Variants in ITSN1 observed in about 807,000 individuals in gnomAD.
ITSN1 encodes intersectin 1.
ITSN1 carries 58 observed loss-of-function variants against 239.8 expected under a neutral mutation model. The ratio of observed to expected loss-of-function variants is 0.24; its 90% CI spans 0.20 to 0.30. The LOEUF (loss-of-function observed/expected upper bound fraction) is 0.30, where lower values mean the gene tolerates loss of function less well. ITSN1 is among the 10% of genes least tolerant of loss of function. The pLI is 1.00. For missense variants in ITSN1, 1,558 were observed against 2,103.3 expected (o/e 0.74, Z 5.07); for synonymous variants, 780 against 770.8 (o/e 1.01, Z -0.20).
intron 26 of ITSN1, chr21:33,828,851 T>C (rs2074123034): frequency 2.3e-6 from 1 of 436,900 alleles, no homozygotes; most frequent in Admixed American, 2.7e-5. Flanking sequence ...GCCTGGTCTG[T>C]GGTACCGCTG....
At position 33,867,282 on chromosome 21, in the gene ITSN1, T is replaced by C; in HGVS notation, c.4124T>C (p.Ile1375Thr). 6.2e-7 allele frequency: 1 copy of C among 1,611,312 alleles called. No homozygotes were observed. Among genetic ancestry groups the C allele is most frequent in the Non-Finnish European group, 8.5e-7 (1 of 1,177,480 alleles). The change falls in exon 33 of 40, where the codon ATA becomes ACA. Residue 1375 changes from isoleucine to threonine, a missense_variant. Ile to Thr is a moderately conservative substitution (Grantham distance 89). Transcript: ENST00000381318. ...RCKGMPLSSF[I>T]LKPMQRVTRY... The stretch of plus-strand genomic sequence containing the variant: ...AAAGGGATGCCACTCTCTAGTTTTA[T>C]ACTGAAGCCTATGCAACGGGTAACA...
chr21:33,644,912 C>T (rs1451564662), intron 1 of ITSN1, among the ~76,000 whole-genome samples: 1 of 151,742 alleles, frequency 6.6e-6, no homozygotes, highest in Admixed American at 6.6e-5. Context: ...GCCTCGACCT[C>T]CTGGGCTCCA....
At chr21:33,681,695 G>A (rs1601607864) in intron 1 of ITSN1, among the ~76,000 whole-genome samples, 1 of 149,678 alleles carries the variant, frequency 6.7e-6, no homozygotes, top group African/African-American at 2.5e-5. Context: ...TTTTGAGACG[G>A]AGTCTCGCTC....
At chr21:33,678,539 G>A (rs1204665683) in intron 1 of ITSN1, among the ~76,000 whole-genome samples, 2 of 152,088 alleles carry the variant, frequency 1.3e-5, no homozygotes, top group African/African-American at 4.8e-5. Context: ...CCCACCCCAC[G>A]GCCTGCATTC....
chr21:33,832,739 G>T (rs531190129), intron 27 of ITSN1, among the ~76,000 whole-genome samples: 29 of 152,352 alleles, frequency 1.9e-4, no homozygotes, highest in African/African-American at 6.5e-4. Flanking sequence ...GAGCCAAGGG[G>T]ATGGAATCTA....
At chr21:33,779,162 G>A (rs1340992694) in intron 14 of ITSN1, among the ~76,000 whole-genome samples, 8 of 149,486 alleles carry the variant, frequency 5.4e-5, no homozygotes, top group Admixed American at 1.3e-4. Context: ...TCTGTGGTAT[G>A]TCTGTTTTCT....
At chr21:33,853,039 G>A (rs1978622757) in intron 29 of ITSN1, among the ~76,000 whole-genome samples, 1 of 152,150 alleles carries the variant, frequency 6.6e-6, no homozygotes, top group Admixed American at 6.5e-5. Flanking sequence ...AATCTTTAAT[G>A]GTTCTCTTGG....
intron 1 of ITSN1, among the ~76,000 whole-genome samples, chr21:33,715,146 G>T (rs1179758897): frequency 1.3e-5 from 2 of 152,116 alleles, no homozygotes; most frequent in Non-Finnish European, 2.9e-5. Context: ...AACTGTCACT[G>T]TGAAAGTCAC....
At position 33,882,306 on chromosome 21, in the gene ITSN1, C is replaced by T; in HGVS notation, c.4405C>T (p.Leu1469Phe). ...GPRKFLHSGKLYKAKSNKELY... is the reference protein window; with the variant it reads ...GPRKFLHSGKFYKAKSNKELY... ...GCGCAAATTTCTGCACAGTGGGAAG[C>T]TCTACAAGGCCAAGAGCAACAAGGA... Residue 1469 changes from leucine to phenylalanine, a missense_variant, in exon 35 of 40, where the codon CTC becomes TTC. Physicochemically the swap from Leu to Phe is conservative, Grantham distance 22. Coordinates refer to ENST00000381318, the MANE Select transcript of ITSN1 (RefSeq NM_003024.3). The surrounding 1 kb of genome is among the most constrained non-coding windows in gnomAD (Gnocchi z 4.5). The T allele has an allele frequency of 6.2e-7, 1 of 1,614,224 alleles. No individual in the cohort carries two copies.
At chr21:33,874,124 C>A (rs542448203) in intron 33 of ITSN1, among the ~76,000 whole-genome samples, 3 of 146,038 alleles carry the variant, frequency 2.1e-5, no homozygotes, top group African/African-American at 7.6e-5. Flanking sequence ...CCACTGCATT[C>A]CAGCCTGGGC....
In ITSN1 at chr21:33,865,082, A is replaced by G; in HGVS notation, c.3891-69A>G. The G allele has an allele frequency of 6.7e-7, 1 of 1,488,832 alleles. No homozygotes were observed. The highest frequency in any genetic ancestry group is 9.1e-7 in the Non-Finnish European group (1 of 1,094,814). 92.2% of individuals were successfully genotyped at this position (1,488,832 alleles called of 1,614,324 possible). A position where few individuals can be genotyped will look rare whatever the true frequency, so the allele number is the denominator to read the frequency against. Reference sequence around the variant, plus strand: ...CTCACACACATTCTGTTTCTGTGCAACCTAAGTGTGCTGTGGTGCTGTCAG... The same window carrying G: ...CTCACACACATTCTGTTTCTGTGCAGCCTAAGTGTGCTGTGGTGCTGTCAG... On this transcript the variant is annotated intron_variant, in intron 31 of 39. Transcript: ENST00000381318. This position sits in a 1 kb window ranked among gnomAD's most constrained non-coding sequence, Gnocchi z 4.4.
intron 20 of ITSN1, among the ~76,000 whole-genome samples, chr21:33,805,928 G>A (rs1429166065): frequency 6.7e-6 from 1 of 148,842 alleles, no homozygotes; most frequent in African/African-American, 2.5e-5. Flanking sequence ...TTAAGGCCGG[G>A]CGCGGTGGCT....
chr21:33,784,353 ACT>A (rs1491203432), intron 16 of ITSN1, among the ~76,000 whole-genome samples: 1 of 143,676 alleles, frequency 7.0e-6, no homozygotes, highest in East Asian at 2.1e-4. Context: ...ACACACACAC[ACT>A]AGTCAGGTAT....
rs553582209 is a variant in ITSN1 at position 33,738,689 on chromosome 21, C to T, written c.346+3485C>T. Among the ~76,000 whole-genome samples, 6 of 152,256 alleles carry T rather than the reference C, an allele frequency of 3.9e-5. No individual in the cohort carries two copies. The East Asian group carries it at 9.7e-4, about 25-fold the overall frequency. The stretch of plus-strand genomic sequence containing the variant: ...TCCTGGCATTACAGGCATGAGCCAC[C>T]GCACCCGGATGGCTTTAGGTTTTTT... On this transcript the variant is annotated intron_variant, in intron 5 of 39. Coordinates refer to ENST00000381318, the MANE Select transcript of ITSN1 (RefSeq NM_003024.3).
intron 30 of ITSN1, among the ~76,000 whole-genome samples, chr21:33,857,657 G>A (rs768306217): frequency 7.9e-5 from 12 of 152,146 alleles, no homozygotes; most frequent in Non-Finnish European, 1.6e-4. Context: ...AGTACAGGGT[G>A]GGTTGTTAGC....
At chr21:33,709,922 G>T (rs1012159603) in intron 1 of ITSN1, among the ~76,000 whole-genome samples, 13 of 152,012 alleles carry the variant, frequency 8.6e-5, no homozygotes, top group African/African-American at 3.1e-4. Flanking sequence ...GCACAGAAGT[G>T]GTAAAAGCAG....
rs758744871 is a variant in ITSN1, at chr21:33,797,414, A to G, written c.1988A>G (p.His663Arg). The change falls in exon 18 of 40, where the codon CAT becomes CGT. Residue 663 changes from histidine to arginine, a missense_variant. By Grantham distance (29) the His-to-Arg change is conservative. This residue lies in a region of ITSN1 where 982 missense variants were observed against 1,209.9 expected (regional missense o/e 0.81). Coordinates refer to ENST00000381318, the MANE Select transcript of ITSN1 (RefSeq NM_003024.3). The surrounding 1 kb of genome is among the most constrained non-coding windows in gnomAD (Gnocchi z 4.9). ...GAAAGGGACAAGCAGTGGCTGGAGC[A>G]TGTGCAGCAGGAGGACGAGCATCAG... The part of the protein sequence containing the change: ...AQERDKQWLE[H>R]VQQEDEHQRP... 8.7e-6 allele frequency: 14 copies of G among 1,614,044 alleles called. No homozygotes were observed. In the Admixed American group the frequency reaches 1.7e-4, roughly 19 times the overall value.
rs568649566 is a variant in ITSN1, at chr21:33,891,722, G to A, written c.*3422G>A. 8.5e-5 allele frequency: 13 copies of A among 152,354 alleles called. No homozygotes were observed. The highest frequency in any genetic ancestry group is 2.9e-4 in the African/African-American group (12 of 41,568). 9.4% of individuals were successfully genotyped at this position (152,354 alleles called of 1,614,324 possible). A position where few individuals can be genotyped will look rare whatever the true frequency, so the allele number is the denominator to read the frequency against. ...TCTAGAATCTGATGGGGCTGAAGAT[G>A]AAGGGAGAAATGGACAAGGCACTTC... is the stretch of plus-strand genomic sequence containing the variant. On this transcript the variant is annotated 3_prime_UTR_variant, in exon 40 of 40. Transcript: ENST00000381318.
At chr21:33,663,768 A>C (rs1271349116) in intron 1 of ITSN1, among the ~76,000 whole-genome samples, 1 of 152,050 alleles carries the variant, frequency 6.6e-6, no homozygotes, top group Non-Finnish European at 1.5e-5. Flanking sequence ...ACGCCTGGCT[A>C]ATTTTTTGTA....
Sources: gnomAD v4.1 joint callset for allele counts (sites outside exome capture counted in the v4.1 genomes callset) on GRCh38, gnomAD v4.1.1 for gene constraint, gnomAD v4.1.1 regional missense constraint, Gnocchi (gnomAD v3.1) non-coding constraint, MANE v1.5 for transcripts, NCBI Gene and HGNC (gene_info 2026-07-23, HGNC 2026-07-21) for gene names.